The following SCAF1 variants were observed in gnomAD, a reference collection of about 807,000 sequenced individuals.
SCAF1 encodes the protein SR-related CTD associated factor 1.
Under a neutral mutation model 91.2 loss-of-function variants are expected in SCAF1, and 28 were observed. The observed-to-expected ratio is 0.31, with a 90% CI of 0.23 to 0.42. SCAF1 has a LOEUF of 0.42. Ranked by LOEUF, SCAF1 falls within the 10% of genes least tolerant of loss-of-function variation. The probability of loss-of-function intolerance (pLI) is 1.00; values close to 1 mark genes in which losing one functional copy is unlikely to be tolerated. For synonymous variants in SCAF1, 1,036 were observed against 833.7 expected (o/e 1.24, Z -4.18); for missense variants, 1,893 against 1,872.1 (o/e 1.01, Z -0.21).
In SCAF1 at chr19:49,653,636, A is replaced by C; in HGVS notation, c.3247A>C (p.Thr1083Pro). The C allele has an allele frequency of 4.4e-6, 7 of 1,587,426 alleles. No individual in the cohort carries two copies. The South Asian group carries it at 6.8e-5, about 15-fold the overall frequency. ...GPASRVSQLP[T>P]LPPPMPWNLP... ...AGCTTCCCGTGTCTCCCAGCTGCCC[A>C]CGTTGCCCCCGCCCATGCCCTGGAA... The change falls in exon 7 of 11, where the codon ACG becomes CCG. Residue 1083 changes from threonine (T) to proline (P), a missense_variant. Thr to Pro is a conservative substitution (Grantham distance 38, BLOSUM62 -1). Coordinates refer to ENST00000360565, the MANE Select transcript of SCAF1 (RefSeq NM_021228.3).
rs946930421 is a variant in SCAF1, at chr19:49,651,916, C to G, written c.1527C>G (p.Ala509=). 1 of 1,153,154 alleles carries G rather than the reference C, an allele frequency of 8.7e-7. No individual in the cohort carries two copies. Among genetic ancestry groups the G allele is most frequent in the African/African-American group, 1.7e-5 (1 of 58,632 alleles). The allele number at this position is 1,153,154 out of a possible 1,614,324, so 71.4% of individuals were successfully genotyped here. The change falls in exon 7 of 11, where the codon GCC becomes GCG. Residue 509 remains alanine (A), a synonymous_variant. Transcript: ENST00000360565. The part of the protein sequence containing the change: ...PSPAPAPAPA[A]AAGPPTRKKS... Reference sequence around the variant, plus strand: ...CGGCGCCCGCGCCCGCCCCGGCCGCCGCTGCTGGTCCGCCCACGCGCAAGA... The same window carrying G: ...CGGCGCCCGCGCCCGCCCCGGCCGCGGCTGCTGGTCCGCCCACGCGCAAGA...
At position 49,650,942 on chromosome 19, in the gene SCAF1, G is replaced by GCCCCCCCCC; in HGVS notation, c.557_558insCCCCCCCCC (p.Pro186_Pro188dup). ...CTTGGGCACGGGAGACGGGGGCCCTGCCCCACCCCCTGCCCCCTCCTCTGC... is the reference window on the plus strand; with the variant it reads ...CTTGGGCACGGGAGACGGGGGCCCTGCCCCCCCCCCCCCACCCCCTGCCCCCTCCTCTGC... On this transcript the variant is annotated inframe_insertion, in exon 7 of 11. Coordinates refer to ENST00000360565, the MANE Select transcript of SCAF1 (RefSeq NM_021228.3). 1 of 1,583,812 alleles carries GCCCCCCCCC rather than the reference G, an allele frequency of 6.3e-7. No homozygotes were observed. The highest frequency in any genetic ancestry group is 8.6e-7 in the Non-Finnish European group (1 of 1,161,406).
intron 9 of SCAF1, 112 bp downstream of exon 9, chr19:49,654,982 G>T: frequency 1.2e-6 from 1 of 865,226 alleles, no homozygotes; most frequent in Non-Finnish European, 1.7e-6. Flanking sequence ...AGGGAGACAG[G>T]GCCGTAGAGA....
At chr19:49,655,582 G>A (rs1197919606) in intron 9 of SCAF1, among the ~76,000 whole-genome samples, 1 of 152,186 alleles carries the variant, frequency 6.6e-6, no homozygotes, top group African/African-American at 2.4e-5. Context: ...GGCCAGGCTG[G>A]TCTTGACTCC....
Position 49,653,033 on chromosome 19 carries a change from C to G in SCAF1, c.2644C>G (p.Arg882Gly). The G allele has an allele frequency of 1.9e-6, 3 of 1,613,944 alleles. No individual in the cohort carries two copies. The highest frequency in any genetic ancestry group is 2.5e-6 in the Non-Finnish European group (3 of 1,180,014). The change falls in exon 7 of 11, where the codon CGG becomes GGG. Residue 882 changes from arginine (R) to glycine (G), a missense_variant. Coordinates refer to ENST00000360565, the MANE Select transcript of SCAF1 (RefSeq NM_021228.3). Reference sequence around the variant, plus strand: ...CTCCCCCTTCCTCAAACCTGACGAGCGGGCCCCCACTGAGATGGCCAAAGC... The same window carrying G: ...CTCCCCCTTCCTCAAACCTGACGAGGGGGCCCCCACTGAGATGGCCAAAGC... Reference protein sequence around the residue: ...SRSPFLKPDERAPTEMAKAAP... With the variant: ...SRSPFLKPDEGAPTEMAKAAP...
rs763164728 is a variant in SCAF1 at position 49,646,588 on chromosome 19, T to A, written c.324T>A (p.Asp108Glu). The change falls in exon 5 of 11, where the codon GAT (aspartate) becomes GAA (glutamate). Residue 108 changes from aspartate (D) to glutamate (E), a missense_variant. Physicochemically the swap from Asp to Glu is conservative, Grantham distance 45. This residue lies in a region of SCAF1 where 270 missense variants were observed against 292.5 expected (regional missense o/e 0.92). Coordinates refer to ENST00000360565, the MANE Select transcript of SCAF1 (RefSeq NM_021228.3). The surrounding 1 kb of genome is among the most constrained non-coding windows in gnomAD (Gnocchi z 5.6). Reference sequence around the variant, plus strand: ...TGGTGAGTGTCCTGGATCCCCCGGATACCTGGGTTCCCAGCCGCCTGGACC... The same window carrying A: ...TGGTGAGTGTCCTGGATCCCCCGGAAACCTGGGTTCCCAGCCGCCTGGACC... Reference protein sequence around the residue: ...AGLVSVLDPPDTWVPSRLDLR... With the variant: ...AGLVSVLDPPETWVPSRLDLR... 6.2e-6 allele frequency: 10 copies of A among 1,614,136 alleles called. No individual in the cohort carries two copies. The Admixed American group carries it at 1.7e-4, about 27-fold the overall frequency.
chr19:49,641,289 G>C (rs1057435856), upstream of SCAF1, among the ~76,000 whole-genome samples: 5 of 152,118 alleles, frequency 3.3e-5, no homozygotes, highest in African/African-American at 1.2e-4. Context: ...GCGGCTATGG[G>C]GTCGGGCTTC....
At position 49,653,322 on chromosome 19, in the gene SCAF1, C is replaced by T. The variant is rs1482995311; in HGVS notation, c.2933C>T (p.Pro978Leu). The T allele has an allele frequency of 2.0e-6, 3 of 1,466,648 alleles. No homozygotes were observed. In the South Asian group the frequency reaches 4.3e-5, roughly 21 times the overall value. The allele number at this position is 1,466,648 out of a possible 1,614,324, so 90.9% of individuals were successfully genotyped here. The change falls in exon 7 of 11, where the codon CCC (proline) becomes CTC (leucine). Residue 978 changes from proline (P) to leucine (L), a missense_variant. Physicochemically the swap from Pro to Leu is moderately conservative, Grantham distance 98. Coordinates refer to ENST00000360565, the MANE Select transcript of SCAF1 (RefSeq NM_021228.3). ...GCAGCCAAGGTTCCTAGCACCCCGC[C>T]CCCCAAGGCAGCCCCACCACCCCCT... is the stretch of plus-strand genomic sequence containing the variant. ...ERAAKVPSTP[P>L]PKAAPPPPAL...
rs1163787426 is a variant in SCAF1 at position 49,645,869 on chromosome 19, C to T, written c.167-239C>T. 6.6e-6 allele frequency among the ~76,000 whole-genome samples: 1 copy of T among 152,076 alleles called. No homozygotes were observed. The highest frequency in any genetic ancestry group is 2.4e-5 in the African/African-American group (1 of 41,402). On this transcript the variant is annotated intron_variant, in intron 3 of 10. Coordinates refer to ENST00000360565, the MANE Select transcript of SCAF1 (RefSeq NM_021228.3). The surrounding 1 kb of genome is among the most constrained non-coding windows in gnomAD (Gnocchi z 4.6). ...GAGGTCTGTGGGGACTGGATCCCAG[C>T]AAGGCCTGAATGCCAGGTTGAGGTG...
chr19:49,645,314 C>T lies in SCAF1; in HGVS notation c.109-40C>T. ...AGGGGCAGAGGTTGCAAAGCATCTG[C>T]CTGGGTCCTCTGACGCTTGGTTCTT... On this transcript the variant is annotated intron_variant, in intron 2 of 10. Transcript: ENST00000360565. This position sits in a 1 kb window ranked among gnomAD's most constrained non-coding sequence, Gnocchi z 4.6. The T allele has an allele frequency of 6.2e-7, 1 of 1,610,794 alleles. No homozygotes were observed. The highest frequency in any genetic ancestry group is 2.2e-5 in the East Asian group (1 of 44,850).
intron 6 of SCAF1, among the ~76,000 whole-genome samples, 173 bp downstream of exon 6, chr19:49,647,003 C>T (rs1339933696): frequency 1.3e-5 from 2 of 152,236 alleles, no homozygotes; most frequent in East Asian, 3.8e-4. Flanking sequence ...AAAGTAAAAA[C>T]TGATGTGCTG....
chr19:49,651,208 GGAAGAGGAAGAA>G lies in SCAF1; in HGVS notation c.831_842del (p.Glu279_Glu282del), dbSNP rs761385255. ...CCTCACCTGAGGAGGAAGAGGAGGA[GGAAGAGGAAGAA>G]GAAGAGGAAGAGGAAGACGAGGAGG... On this transcript the variant is annotated inframe_deletion, in exon 7 of 11. Coordinates refer to ENST00000360565, the MANE Select transcript of SCAF1 (RefSeq NM_021228.3). 34 of 1,613,012 alleles carry G rather than the reference GGAAGAGGAAGAA, an allele frequency of 2.1e-5. No homozygotes were observed. The highest frequency in any genetic ancestry group is 4.4e-5 in the South Asian group (4 of 91,026).
rs1156365491 is a variant in SCAF1 at position 49,646,590 on chromosome 19, C to G, written c.326C>G (p.Thr109Ser). Residue 109 changes from threonine (T) to serine (S), a missense_variant, in exon 5 of 11, where the codon ACC (threonine) becomes AGC (serine). Transcript: ENST00000360565. This position sits in a 1 kb window ranked among gnomAD's most constrained non-coding sequence, Gnocchi z 5.6. Reference protein sequence around the residue: ...GLVSVLDPPDTWVPSRLDLRP... With the variant: ...GLVSVLDPPDSWVPSRLDLRP... The stretch of plus-strand genomic sequence containing the variant: ...GTGAGTGTCCTGGATCCCCCGGATA[C>G]CTGGGTTCCCAGCCGCCTGGACCTG... 3 of 1,614,030 alleles carry G rather than the reference C, an allele frequency of 1.9e-6. No homozygotes were observed. The African/African-American group carries it at 4.0e-5, about 22-fold the overall frequency.
chr19:49,657,737 C>G, intron 9 of SCAF1, 24 bp from the exon 10 acceptor site: 1 of 1,582,736 alleles, frequency 6.3e-7, no homozygotes, highest in Non-Finnish European at 8.6e-7. Flanking sequence ...GCTGTGTCTT[C>G]CCCCGCTGTC....
rs747072658 is a variant in SCAF1 at position 49,652,355 on chromosome 19, G to T, written c.1966G>T (p.Gly656Trp). Residue 656 changes from glycine to tryptophan, a missense_variant, in exon 7 of 11, where the codon GGG (glycine) becomes TGG (tryptophan). Physicochemically the swap from Gly to Trp is radical, Grantham distance 184 (BLOSUM62 -2). This residue lies in a region of SCAF1 where 1,436 missense variants were observed against 1,306.8 expected (regional missense o/e 1.10). Coordinates refer to ENST00000360565, the MANE Select transcript of SCAF1 (RefSeq NM_021228.3). ...RSRSRGEKRS[G>W]DGSEKAPAPA... ...GCGGTCCCGGGGTGAGAAGCGGTCT[G>T]GGGATGGCAGCGAGAAGGCCCCGGC... is the stretch of plus-strand genomic sequence containing the variant. The T allele has an allele frequency of 3.9e-6, 6 of 1,536,452 alleles. No individual in the cohort carries two copies. The South Asian group carries it at 7.2e-5, about 18-fold the overall frequency.
In SCAF1 at chr19:49,646,675, G is replaced by A. The variant is rs2122460248; in HGVS notation, c.363-40G>A. On this transcript the variant is annotated intron_variant, in intron 5 of 10. Coordinates refer to ENST00000360565, the MANE Select transcript of SCAF1 (RefSeq NM_021228.3). The surrounding 1 kb of genome is among the most constrained non-coding windows in gnomAD (Gnocchi z 5.6). ...GGGAGAGGCCTCAGCGTGAGAGCCA[G>A]AAGCACCCCTGAGGCTCACCCACCC... The A allele has an allele frequency of 6.2e-7, 1 of 1,612,946 alleles. No homozygotes were observed. The highest frequency in any genetic ancestry group is 8.5e-7 in the Non-Finnish European group (1 of 1,178,996).
rs2081051848 is a variant in SCAF1, at chr19:49,645,886, G to A, written c.167-222G>A. Among the ~76,000 whole-genome samples the A allele has an allele frequency of 6.6e-6, 1 of 152,140 alleles. No individual in the cohort carries two copies. Among genetic ancestry groups the A allele is most frequent in the Admixed American group, 6.5e-5 (1 of 15,282 alleles). ...GATCCCAGCAAGGCCTGAATGCCAG[G>A]TTGAGGTGTCTGAGGGCAGACAGGA... On this transcript the variant is annotated intron_variant, in intron 3 of 10. Transcript: ENST00000360565. The surrounding 1 kb of genome is among the most constrained non-coding windows in gnomAD (Gnocchi z 4.6).
At chr19:49,641,952 C>T (rs960607320), upstream of SCAF1, among the ~76,000 whole-genome samples, 1 of 152,260 alleles carries the variant, frequency 6.6e-6, no homozygotes, top group Non-Finnish European at 1.5e-5. Flanking sequence ...GCTACCGCGG[C>T]CCCGCCCACT....
intron 6 of SCAF1, among the ~76,000 whole-genome samples, chr19:49,648,556 C>CCA (rs1284215780): frequency 7.2e-6 from 1 of 139,098 alleles, no homozygotes; most frequent in Admixed American, 7.2e-5. Flanking sequence ...ACCATGCCTG[C>CCA]CACACCCCCC....
Sources: allele counts gnomAD v4.1 joint callset (sites outside exome capture counted in the v4.1 genomes callset), GRCh38; gene constraint gnomAD v4.1.1; regional missense constraint gnomAD v4.1.1; non-coding constraint Gnocchi (gnomAD v3.1); transcripts MANE v1.5; gene names NCBI Gene and HGNC (gene_info 2026-07-23, HGNC 2026-07-21).